Variants in NCALD observed in about 807,000 individuals in gnomAD.
The protein encoded by NCALD is neurocalcin delta, also known as neurocalcin-delta.
Under a neutral mutation model 18.6 loss-of-function variants are expected in NCALD, and 10 were observed. The observed-to-expected ratio is 0.54, with a 90% CI of 0.33 to 0.91. The LOEUF (loss-of-function observed/expected upper bound fraction) is 0.91. Ranked by LOEUF, NCALD falls within the 40% of genes least tolerant of loss-of-function variation. NCALD has a pLI of 0.03. For missense variants in NCALD, 184 were observed against 247.6 expected (o/e 0.74, Z 1.72); for synonymous variants, 88 against 87.4 (o/e 1.01, Z -0.04).
intron 4 of NCALD, among the ~76,000 whole-genome samples, chr8:101,839,289 G>A (rs1311500224): frequency 2.6e-5 from 4 of 151,424 alleles, no homozygotes; most frequent in African/African-American, 9.7e-5. Flanking sequence ...AGTAACAGAA[G>A]AGGGAAAAAA....
intron 2 of NCALD, among the ~76,000 whole-genome samples, chr8:101,922,107 A>G (rs78215541): frequency 6.6e-6 from 1 of 151,926 alleles, no homozygotes; most frequent in Non-Finnish European, 1.5e-5. Flanking sequence ...AAAGTGTTTT[A>G]TGATTTAAAA....
chr8:102,112,277 G>T (rs1825663923), intron 1 of NCALD, among the ~76,000 whole-genome samples: 1 of 152,048 alleles, frequency 6.6e-6, no homozygotes, highest in Non-Finnish European at 1.5e-5. Context: ...CATAAGGCAG[G>T]TACTATTATT....
rs146937595 is a variant in NCALD, at chr8:102,058,271, C to A, written c.-209-37982G>T. On this transcript the variant is annotated intron_variant, in intron 1 of 6. Coordinates refer to the NCALD transcript ENST00000311028. ...GAGAATATAAAGTTTTTTACTATAACAATTCAATGACTAGTTGTTTATTGA... is the reference window on the plus strand; with the variant it reads ...GAGAATATAAAGTTTTTTACTATAAAAATTCAATGACTAGTTGTTTATTGA... Among the ~76,000 whole-genome samples the A allele has an allele frequency of 3.3e-4, 50 of 152,338 alleles. 1 individual carries two copies. Among genetic ancestry groups the A allele is most frequent in the African/African-American group, 1.0e-3 (42 of 41,578 alleles).
intron 4 of NCALD, among the ~76,000 whole-genome samples, chr8:101,831,512 C>G (rs998903087): frequency 6.6e-6 from 1 of 152,154 alleles, no homozygotes; most frequent in Non-Finnish European, 1.5e-5. Context: ...AGTAGGTCAT[C>G]GTCTCTTTGC....
intron 4 of NCALD, among the ~76,000 whole-genome samples, chr8:101,854,014 G>C (rs1773429474): frequency 6.6e-6 from 1 of 152,192 alleles, no homozygotes; most frequent in African/African-American, 2.4e-5. Flanking sequence ...CTGCTGCTCC[G>C]AGGACTCTAT....
intron 4 of NCALD, among the ~76,000 whole-genome samples, chr8:101,820,829 A>G (rs1813691033): frequency 6.6e-6 from 1 of 152,176 alleles, no homozygotes; most frequent in Admixed American, 6.5e-5. Context: ...TGCAGGCAAT[A>G]TTTGCGTTAG....
chr8:101,969,276 TA>T (rs1340754997), intron 2 of NCALD, among the ~76,000 whole-genome samples: 1 of 152,174 alleles, frequency 6.6e-6, no homozygotes. Flanking sequence ...AGTCTCACAT[TA>T]AAGGGAGAAA....
At chr8:101,844,853 C>T (rs1016917087) in intron 4 of NCALD, among the ~76,000 whole-genome samples, 1 of 152,128 alleles carries the variant, frequency 6.6e-6, no homozygotes, top group African/African-American at 2.4e-5. Context: ...AGAATACTAC[C>T]CAATTCTTAA....
chr8:101,775,308 T>C (rs1477658563), intron 1 of NCALD, among the ~76,000 whole-genome samples: 3 of 152,190 alleles, frequency 2.0e-5, no homozygotes, highest in African/African-American at 7.2e-5. Context: ...TCTCATGTTA[T>C]GTGCCAACCG....
At chr8:101,965,692 A>G (rs1256606871) in intron 2 of NCALD, among the ~76,000 whole-genome samples, 3 of 152,170 alleles carry the variant, frequency 2.0e-5, no homozygotes, top group Non-Finnish European at 4.4e-5. Flanking sequence ...GCAGCAAACC[A>G]CCATGGCATG....
chr8:102,114,781 C>T (rs745588254), intron 1 of NCALD, among the ~76,000 whole-genome samples: 1 of 152,208 alleles, frequency 6.6e-6, no homozygotes, highest in African/African-American at 2.4e-5. Context: ...AAGATCACCT[C>T]TTGGGGCACA....
intron 1 of NCALD, among the ~76,000 whole-genome samples, chr8:101,736,875 C>T (rs1324410307): frequency 6.6e-6 from 1 of 152,166 alleles, no homozygotes; most frequent in Non-Finnish European, 1.5e-5. Context: ...ATTATATTTT[C>T]AGAACAAATT....
chr8:101,830,810 G>A (rs1487684588), intron 4 of NCALD, among the ~76,000 whole-genome samples: 2 of 149,986 alleles, frequency 1.3e-5, no homozygotes, highest in Non-Finnish European at 3.0e-5. Flanking sequence ...GTGCGATCTC[G>A]GCTCACTGCA....
At chr8:101,990,932 C>T (rs186089653) in intron 2 of NCALD, among the ~76,000 whole-genome samples, 4 of 152,264 alleles carry the variant, frequency 2.6e-5, no homozygotes, top group African/African-American at 9.6e-5. Context: ...CGAACTAAAA[C>T]CTGAATGCCC....
Position 101,870,256 on chromosome 8 carries a change from A to G in NCALD, c.-20+16885T>C, listed in dbSNP as rs191863260. Among the ~76,000 whole-genome samples the G allele has an allele frequency of 3.2e-3, 489 of 152,322 alleles. 5 individuals are homozygous for G. Among genetic ancestry groups the G allele is most frequent in the African/African-American group, 0.011 (470 of 41,578 alleles). ...ATAAAGAAAAATGACTTTTTTCCTT[A>G]CTAAAGAGCAGTGTTAGAAACGAGT... On this transcript the variant is annotated intron_variant, in intron 4 of 6. Coordinates refer to the NCALD transcript ENST00000311028.
intron 1 of NCALD, among the ~76,000 whole-genome samples, chr8:101,751,905 A>G (rs1197858093): frequency 6.6e-6 from 1 of 152,192 alleles, no homozygotes; most frequent in Non-Finnish European, 1.5e-5. Context: ...GTTTATGACC[A>G]CGAATATTAT....
chr8:101,753,208 T>C (rs919558274), intron 1 of NCALD, among the ~76,000 whole-genome samples: 2 of 152,050 alleles, frequency 1.3e-5, no homozygotes, highest in Admixed American at 1.3e-4. Flanking sequence ...AGTTAAGAAA[T>C]GGTATAATCG....
chr8:101,756,465 G>C (rs1325302394), intron 1 of NCALD, among the ~76,000 whole-genome samples: 1 of 152,186 alleles, frequency 6.6e-6, no homozygotes, highest in Non-Finnish European at 1.5e-5. Context: ...GTGTTCAACA[G>C]CGCCACTGTG....
intron 4 of NCALD, among the ~76,000 whole-genome samples, chr8:101,864,937 T>C (rs932854484): frequency 3.3e-5 from 5 of 152,298 alleles, no homozygotes; most frequent in Admixed American, 3.3e-4. Context: ...GTACTTGTAA[T>C]CTTTATCTGT....
Sources: gnomAD v4.1 joint callset for allele counts (sites outside exome capture counted in the v4.1 genomes callset) on GRCh38, gnomAD v4.1.1 for gene constraint, MANE v1.5 for transcripts, NCBI Gene and HGNC (gene_info 2026-07-23, HGNC 2026-07-21) for gene names.